Variants in CYP2C19 observed in about 807,000 individuals in gnomAD.
The protein encoded by CYP2C19 is cytochrome P450 family 2 subfamily C member 19, also known as cytochrome P450 2C19.
Under a neutral mutation model 40.9 loss-of-function variants are expected in CYP2C19, and 59 were observed. The ratio of observed to expected loss-of-function variants is 1.44; its 90% CI spans 1.17 to 1.79. The LOEUF is 1.79. Among genes scored for constraint, CYP2C19 ranks in the 40% most tolerant of loss-of-function variants. The pLI is 0.00. For synonymous variants in CYP2C19, 253 were observed against 208.7 expected, an observed-to-expected ratio of 1.21 and a Z score of -1.83; for missense variants, 754 against 596.9, an observed-to-expected ratio of 1.26 and a Z score of -2.74.
At chr10:94,776,370 T>C (rs185968148) in intron 3 of CYP2C19, 1 of 152,318 alleles carries the variant, frequency 6.6e-6, no homozygotes, top group East Asian at 1.9e-4. Flanking sequence ...TAGAAATTTA[T>C]GGTAATTATT....
Position 94,787,621 on chromosome 10 carries a change from A to T in CYP2C19, c.819+5624A>T, listed in dbSNP as rs145960998. On this transcript the variant is annotated intron_variant, in intron 5 of 8. Coordinates refer to ENST00000371321, the MANE Select transcript of CYP2C19 (RefSeq NM_000769.4). The stretch of plus-strand genomic sequence containing the variant: ...ATATATTTTTTTCTATAGGATTGTT[A>T]GTTTGATGTTTTAAACTTAGATCAT... Among the ~76,000 whole-genome samples the T allele has an allele frequency of 3.1e-3, 475 of 152,152 alleles. 3 individuals are homozygous for T. The highest frequency in any genetic ancestry group is 0.011 in the African/African-American group (452 of 41,560).
chr10:94,797,461 G>T (rs990535601), intron 5 of CYP2C19, among the ~76,000 whole-genome samples: 1 of 151,942 alleles, frequency 6.6e-6, no homozygotes. Context: ...TTTTGTGTGT[G>T]TGTCTCTCCT....
At chr10:94,792,577 C>T (rs1043010456) in intron 5 of CYP2C19, among the ~76,000 whole-genome samples, 6 of 152,048 alleles carry the variant, frequency 3.9e-5, no homozygotes, top group South Asian at 2.1e-4. Flanking sequence ...AGCATTAGCT[C>T]GTCTGTAAAG....
intron 6 of CYP2C19, among the ~76,000 whole-genome samples, chr10:94,823,555 C>A (rs1329985476): frequency 6.6e-6 from 1 of 152,098 alleles, no homozygotes; most frequent in East Asian, 1.9e-4. Context: ...CAATGTCTAA[C>A]AGAGTGAATG....
chr10:94,785,376 G>C (rs1185247947), intron 5 of CYP2C19, among the ~76,000 whole-genome samples: 1 of 151,978 alleles, frequency 6.6e-6, no homozygotes, highest in Non-Finnish European at 1.5e-5. Context: ...ACATTCTTTT[G>C]TATTTTGTCA....
chr10:94,780,311 T>C (rs1386167188), intron 3 of CYP2C19, among the ~76,000 whole-genome samples, 188 bp from the exon 4 acceptor site: 1 of 152,204 alleles, frequency 6.6e-6, no homozygotes, highest in Non-Finnish European at 1.5e-5. Context: ...TAGGCTGTAA[T>C]TGTTAATTCG....
intron 5 of CYP2C19, among the ~76,000 whole-genome samples, chr10:94,797,642 C>A (rs551006449): frequency 1.3e-5 from 2 of 151,928 alleles, no homozygotes; most frequent in Non-Finnish European, 2.9e-5. Flanking sequence ...GGTTGGTAGG[C>A]TATTAATTAT....
intron 1 of CYP2C19, chr10:94,774,857 A>G: frequency 1.7e-6 from 1 of 602,618 alleles, no homozygotes; most frequent in Non-Finnish European, 2.9e-6. Context: ...CAATTGTCTG[A>G]CCATTGCCTT....
chr10:94,848,544 T>A (rs1303309755), intron 7 of CYP2C19, among the ~76,000 whole-genome samples: 2 of 152,240 alleles, frequency 1.3e-5, no homozygotes, highest in Non-Finnish European at 2.9e-5. Flanking sequence ...TGGCTTAGGA[T>A]TGACTTGGCA....
rs989370758 is a variant in CYP2C19 at position 94,842,022 on chromosome 10, C to A, written c.962-815C>A. 5.3e-5 allele frequency among the ~76,000 whole-genome samples: 8 copies of A among 152,298 alleles called. No homozygotes were observed. In the East Asian group the frequency reaches 9.7e-4, roughly 18 times the overall value. On this transcript the variant is annotated intron_variant, in intron 6 of 8. Coordinates refer to ENST00000371321, the MANE Select transcript of CYP2C19 (RefSeq NM_000769.4). ...TATTAGACCCATTTGGTCTATAGTG[C>A]AGATGAAGTTCAATATCTCCTTGTT... is the stretch of plus-strand genomic sequence containing the variant.
At chr10:94,775,766 C>A in intron 3 of CYP2C19, 1 of 631,392 alleles carries the variant, frequency 1.6e-6, no homozygotes, top group Admixed American at 3.1e-5. Context: ...TCATTTAATC[C>A]TATGTTCTCC....
At chr10:94,791,308 C>A (rs914333358) in intron 5 of CYP2C19, among the ~76,000 whole-genome samples, 7 of 151,890 alleles carry the variant, frequency 4.6e-5, no homozygotes, top group Admixed American at 2.0e-4. Context: ...TTGATCTTTT[C>A]AAAAAACCAG....
chr10:94,854,053 T>A lies in CYP2C19; in HGVS notation c.*1139T>A, dbSNP rs1313469883. 6.6e-6 allele frequency among the ~76,000 whole-genome samples: 1 copy of A among 150,496 alleles called. No homozygotes were observed. Among genetic ancestry groups the A allele is most frequent in the African/African-American group, 2.4e-5 (1 of 40,946 alleles). ...TTTTTTTTGAAATGGAGTCCCACTT[T>A]TGTTCCCCAGGCTGGAGTGCAATGG... is the stretch of plus-strand genomic sequence containing the variant. On this transcript the variant is annotated 3_prime_UTR_variant, in exon 9 of 9. Coordinates refer to ENST00000371321, the MANE Select transcript of CYP2C19 (RefSeq NM_000769.4).
chr10:94,846,779 C>T (rs1464780486), intron 7 of CYP2C19, among the ~76,000 whole-genome samples: 1 of 151,124 alleles, frequency 6.6e-6, no homozygotes, highest in Non-Finnish European at 1.5e-5. Flanking sequence ...TGCTGGTGTG[C>T]TGCACCCATT....
chr10:94,793,210 C>A (rs922171689), intron 5 of CYP2C19, among the ~76,000 whole-genome samples: 1 of 152,092 alleles, frequency 6.6e-6, no homozygotes, highest in African/African-American at 2.4e-5. Context: ...TCCATCAGGT[C>A]ATTTAAGGTC....
At chr10:94,812,900 C>A (rs550043018) in intron 5 of CYP2C19, among the ~76,000 whole-genome samples, 2 of 152,108 alleles carry the variant, frequency 1.3e-5, no homozygotes, top group South Asian at 4.2e-4. Flanking sequence ...AGTTTTGTCC[C>A]CTTGCTGGCA....
chr10:94,776,698 T>A (rs7086313), intron 3 of CYP2C19, among the ~76,000 whole-genome samples: 30,314 of 152,072 alleles, frequency 0.2, 3,243 homozygotes, highest in Middle Eastern at 0.23. Context: ...AATATCATAT[T>A]TAATGGGCAA....
intron 5 of CYP2C19, among the ~76,000 whole-genome samples, chr10:94,816,917 T>C (rs2134264668): frequency 7.0e-6 from 1 of 142,688 alleles, no homozygotes; most frequent in South Asian, 2.4e-4. Flanking sequence ...CTCATCATTT[T>C]TTATGGCTGC....
At chr10:94,793,122 A>G (rs1848626296) in intron 5 of CYP2C19, among the ~76,000 whole-genome samples, 1 of 152,054 alleles carries the variant, frequency 6.6e-6, no homozygotes, top group African/African-American at 2.4e-5. Flanking sequence ...AGTCTCTGAT[A>G]CCCTTTCTTC....
Sources: allele counts gnomAD v4.1 joint callset (sites outside exome capture counted in the v4.1 genomes callset), GRCh38; gene constraint gnomAD v4.1.1; transcripts MANE v1.5; gene names NCBI Gene and HGNC (gene_info 2026-07-23, HGNC 2026-07-21).